Variants in ENTREP2 observed in about 807,000 individuals in gnomAD.
ENTREP2 encodes the protein protein ENTREP2.
chr15:29,178,341 G>T, the ENTREP2 span, among the ~76,000 whole-genome samples: 2 of 151,358 alleles, frequency 1.3e-5, no homozygotes, highest in African/African-American at 2.4e-5. Flanking sequence ...AAAAGAACCG[G>T]TTACCATCTC....
chr15:29,439,619 T>G, the ENTREP2 span, among the ~76,000 whole-genome samples: 1 of 152,178 alleles, frequency 6.6e-6, no homozygotes, highest in Admixed American at 6.5e-5. Context: ...CACTCTAGAA[T>G]GCTAACATCA....
At chr15:29,205,702 T>C in the ENTREP2 span, among the ~76,000 whole-genome samples, 2 of 152,210 alleles carry the variant, frequency 1.3e-5, no homozygotes, top group Admixed American at 1.3e-4. Context: ...GAGTTCTTTA[T>C]ACATTCCGGA....
chr15:29,278,027 T>C, the ENTREP2 span, among the ~76,000 whole-genome samples: 1 of 152,208 alleles, frequency 6.6e-6, no homozygotes, highest in African/African-American at 2.4e-5. Context: ...ACTGGTGGTC[T>C]TGAGGGAGAT....
the ENTREP2 span, chr15:29,137,312 C>A: frequency 6.6e-6 from 6 of 908,288 alleles, no homozygotes; most frequent in South Asian, 2.0e-5. Flanking sequence ...TTTCAACTGT[C>A]AAGCCATGAC....
chr15:29,530,983 G>C, the ENTREP2 span, among the ~76,000 whole-genome samples: 3 of 152,126 alleles, frequency 2.0e-5, no homozygotes, highest in African/African-American at 7.2e-5. Flanking sequence ...CCAAAACGGT[G>C]CCGCACCCAA....
At chr15:29,371,345 C>T in the ENTREP2 span, among the ~76,000 whole-genome samples, 43 of 137,522 alleles carry the variant, frequency 3.1e-4, no homozygotes, top group Admixed American at 2.4e-3. Flanking sequence ...ACCACACCCC[C>T]GCAAACACAC....
chr15:29,563,907 T>C, the ENTREP2 span, among the ~76,000 whole-genome samples: 4 of 151,778 alleles, frequency 2.6e-5, no homozygotes, highest in Non-Finnish European at 5.9e-5. Flanking sequence ...TTAGGAAACT[T>C]TATTTTCTTT....
chr15:29,368,047 G>T, the ENTREP2 span, among the ~76,000 whole-genome samples: 19 of 151,576 alleles, frequency 1.3e-4, no homozygotes, highest in African/African-American at 4.6e-4. Context: ...CCCTGGCCTG[G>T]CACAGTGGCT....
At chr15:29,149,810 T>A in the ENTREP2 span, among the ~76,000 whole-genome samples, 1 of 152,096 alleles carries the variant, frequency 6.6e-6, no homozygotes, top group South Asian at 2.1e-4. Context: ...GGGGGTCTCA[T>A]CACGAGAGCA....
chr15:29,161,238 T>A, the ENTREP2 span, among the ~76,000 whole-genome samples: 1 of 152,012 alleles, frequency 6.6e-6, no homozygotes, highest in Non-Finnish European at 1.5e-5. Context: ...AGGAAGGAGG[T>A]AACGTCTCCC....
chr15:29,365,881 C>A, the ENTREP2 span, among the ~76,000 whole-genome samples: 1 of 152,048 alleles, frequency 6.6e-6, no homozygotes, highest in Non-Finnish European at 1.5e-5. Context: ...GAAGCCAGGG[C>A]CCCAGCACCA....
At chr15:29,225,639 C>G in the ENTREP2 span, among the ~76,000 whole-genome samples, 1 of 152,194 alleles carries the variant, frequency 6.6e-6, no homozygotes, top group African/African-American at 2.4e-5. Flanking sequence ...CTCTCCCTGC[C>G]TGGCAGGTGC....
At chr15:29,213,948 T>C in the ENTREP2 span, among the ~76,000 whole-genome samples, 1 of 152,152 alleles carries the variant, frequency 6.6e-6, no homozygotes, top group Non-Finnish European at 1.5e-5. Context: ...ATGCTCAACA[T>C]CACTGGCCAT....
the ENTREP2 span, among the ~76,000 whole-genome samples, chr15:29,674,494 C>A: frequency 1.3e-5 from 2 of 151,956 alleles, no homozygotes; most frequent in Non-Finnish European, 2.9e-5. Flanking sequence ...GTTCTCGAAC[C>A]CCTGACCTCG....
chr15:29,417,888 G>A, the ENTREP2 span, among the ~76,000 whole-genome samples: 114,542 of 152,070 alleles, frequency 0.75, 44,222 homozygotes, highest in African/African-American at 0.92. Flanking sequence ...CTACAGTTCT[G>A]TTTTTAACAT....
At chr15:29,664,873 G>A in the ENTREP2 span, among the ~76,000 whole-genome samples, 1 of 152,236 alleles carries the variant, frequency 6.6e-6, no homozygotes, top group African/African-American at 2.4e-5. Flanking sequence ...AAAGTCAGAT[G>A]TTACACTGTC....
the ENTREP2 span, among the ~76,000 whole-genome samples, chr15:29,657,488 G>GGGGCGGGGGGA: frequency 8.2e-6 from 1 of 121,746 alleles, no homozygotes; most frequent in African/African-American, 4.4e-5. Flanking sequence ...GGGGGCGGGG[G>GGGGCGGGGGGA]GGGGGGGTGG....
chr15:29,282,558 A>C, the ENTREP2 span, among the ~76,000 whole-genome samples: 1 of 152,086 alleles, frequency 6.6e-6, no homozygotes, highest in South Asian at 2.1e-4. Flanking sequence ...GAGTTACCAC[A>C]AGCTCCCTAG....
At chr15:29,383,529 T>C in the ENTREP2 span, among the ~76,000 whole-genome samples, 1 of 152,296 alleles carries the variant, frequency 6.6e-6, no homozygotes, top group Admixed American at 6.5e-5. Flanking sequence ...CGCTTGCCAC[T>C]GTGGGCACAA....
Sources: gnomAD v4.1 joint callset for allele counts (sites outside exome capture counted in the v4.1 genomes callset) on GRCh38, gnomAD v4.1.1 for gene constraint, MANE v1.5 for transcripts, NCBI Gene and HGNC (gene_info 2026-07-23, HGNC 2026-07-21) for gene names.